Variants in ASAP1 observed in about 807,000 individuals in gnomAD.
ASAP1 encodes the protein ArfGAP with SH3 domain, ankyrin repeat and PH domain 1, also known as arf-GAP with SH3 domain, ANK repeat and PH domain-containing protein 1.
In ASAP1, 43 loss-of-function variants were observed where a neutral mutation model predicts 145.2. The observed-to-expected ratio is 0.30, with a 90% CI of 0.23 to 0.38. The LOEUF is 0.38. ASAP1 is among the 10% of genes least tolerant of loss of function. ASAP1 has a pLI of 1.00. For synonymous variants in ASAP1, 546 were observed against 515.5 expected, an observed-to-expected ratio of 1.06 and a Z score of -0.80; for missense variants, 1,018 against 1,355.3, an observed-to-expected ratio of 0.75 and a Z score of 3.91.
chr8:130,152,740 G>C lies in ASAP1; in HGVS notation c.1076C>G (p.Ala359Gly). The C allele has an allele frequency of 1.2e-6, 2 of 1,609,608 alleles. No homozygotes were observed. Among genetic ancestry groups the C allele is most frequent in the Non-Finnish European group, 1.7e-6 (2 of 1,176,708 alleles). Reference protein sequence around the residue: ...VKNGILTISHATSNRQPAKLN... With the variant: ...VKNGILTISHGTSNRQPAKLN... ...TAAATTAAGAAACATACTTACTGTG[G>C]CATGTGAGATGGTCAGAATCCCATT... is the stretch of plus-strand genomic sequence containing the variant. Residue 359 changes from alanine (A) to glycine (G), a missense_variant, in exon 13 of 30, where the codon GCC (alanine) becomes GGC (glycine). Ala to Gly is a moderately conservative substitution (Grantham distance 60, BLOSUM62 0). Coordinates refer to ENST00000518721, the MANE Select transcript of ASAP1 (RefSeq NM_018482.4).
intron 24 of ASAP1, among the ~76,000 whole-genome samples, chr8:130,109,570 G>C (rs972405061): frequency 6.6e-6 from 1 of 151,910 alleles, no homozygotes; most frequent in Non-Finnish European, 1.5e-5. Flanking sequence ...ATTTGTCATG[G>C]AGAACAAGGA....
chr8:130,097,594 T>A (rs1280298664), intron 24 of ASAP1, among the ~76,000 whole-genome samples: 1 of 152,194 alleles, frequency 6.6e-6, no homozygotes, highest in African/African-American at 2.4e-5. Flanking sequence ...ATGTCAGAAG[T>A]GTGCCCGGCA....
intron 4 of ASAP1, among the ~76,000 whole-genome samples, chr8:130,220,491 C>T (rs372945568): frequency 1.3e-5 from 2 of 152,086 alleles, no homozygotes; most frequent in African/African-American, 4.8e-5. Context: ...ATATGCCACC[C>T]CAAAACAAGC....
chr8:130,156,850 T>C lies in ASAP1; in HGVS notation c.1010+3014A>G, dbSNP rs78357121. Among the ~76,000 whole-genome samples, 6 of 152,352 alleles carry C rather than the reference T, an allele frequency of 3.9e-5. No homozygotes were observed. The East Asian group carries it at 1.2e-3, about 29-fold the overall frequency. On this transcript the variant is annotated intron_variant, in intron 12 of 29. Coordinates refer to ENST00000518721, the MANE Select transcript of ASAP1 (RefSeq NM_018482.4). Reference sequence around the variant, plus strand: ...TAATTTACTTGAACACTTTAGGGTTTGAACTATGCAACACTTAAGAAAAGA... The same window carrying C: ...TAATTTACTTGAACACTTTAGGGTTCGAACTATGCAACACTTAAGAAAAGA...
At chr8:130,395,624 A>G (rs1256826542) in intron 2 of ASAP1, among the ~76,000 whole-genome samples, 8 of 152,180 alleles carry the variant, frequency 5.3e-5, no homozygotes, top group Admixed American at 3.9e-4. Context: ...GACACTGCCA[A>G]CACGTTGATC....
chr8:130,224,889 G>A (rs540823068), intron 4 of ASAP1, among the ~76,000 whole-genome samples: 13 of 152,302 alleles, frequency 8.5e-5, no homozygotes, highest in African/African-American at 2.6e-4. Flanking sequence ...TCAAGTTTTA[G>A]TTAATATTGC....
chr8:130,315,678 A>C (rs536046371), intron 3 of ASAP1, among the ~76,000 whole-genome samples: 10 of 152,290 alleles, frequency 6.6e-5, no homozygotes, highest in African/African-American at 2.4e-4. Flanking sequence ...TCAATGACAG[A>C]TATGCCCCCT....
chr8:130,336,779 A>G (rs1170466504), intron 3 of ASAP1, among the ~76,000 whole-genome samples: 1 of 152,224 alleles, frequency 6.6e-6, no homozygotes, highest in African/African-American at 2.4e-5. Flanking sequence ...ATTGTCTCTA[A>G]AAGACGGTAA....
intron 1 of ASAP1, among the ~76,000 whole-genome samples, chr8:130,437,816 C>T (rs1021079565): frequency 6.6e-6 from 1 of 152,182 alleles, no homozygotes; most frequent in Non-Finnish European, 1.5e-5. Flanking sequence ...CTGGCTTCTG[C>T]GTAACTCCCA....
intron 3 of ASAP1, among the ~76,000 whole-genome samples, chr8:130,262,336 A>C (rs911859820): frequency 7.4e-6 from 1 of 135,828 alleles, no homozygotes; most frequent in Non-Finnish European, 1.5e-5. Flanking sequence ...TGGAGGTTGC[A>C]GTGAGCCGAG....
Position 130,375,469 on chromosome 8 carries a change from A to C in ASAP1, c.60-17326T>G. 1.3e-5 allele frequency among the ~76,000 whole-genome samples: 2 copies of C among 151,934 alleles called. 1 individual carries two copies. The highest frequency in any genetic ancestry group is 3.9e-4 in the East Asian group (2 of 5,174). ...CAGCAATTGGAGAGGCTGAGGCTGA[A>C]GGACTGCTTGAGCCCAGGAGTTCGA... On this transcript the variant is annotated intron_variant, in intron 2 of 29. Transcript: ENST00000518721.
At chr8:130,218,373 T>C (rs924069985) in intron 4 of ASAP1, among the ~76,000 whole-genome samples, 5 of 152,210 alleles carry the variant, frequency 3.3e-5, no homozygotes, top group Admixed American at 2.0e-4. Context: ...TAATCGAATA[T>C]ACATGTATGC....
At chr8:130,137,521 TATTTC>T (rs977886238) in intron 13 of ASAP1, among the ~76,000 whole-genome samples, 14 of 152,226 alleles carry the variant, frequency 9.2e-5, no homozygotes, top group African/African-American at 2.7e-4. Flanking sequence ...AGCTGAGCTA[TATTTC>T]ATTTATTCAT....
intron 9 of ASAP1, among the ~76,000 whole-genome samples, 196 bp from the exon 10 acceptor site, chr8:130,169,263 T>C (rs1813414894): frequency 6.6e-6 from 1 of 152,234 alleles, no homozygotes; most frequent in African/African-American, 2.4e-5. Context: ...TTTATAAAGA[T>C]GTACCAACAA....
At chr8:130,312,355 G>C (rs1224372160) in intron 3 of ASAP1, among the ~76,000 whole-genome samples, 2 of 151,518 alleles carry the variant, frequency 1.3e-5, no homozygotes, top group Non-Finnish European at 2.9e-5. Flanking sequence ...CCCTGGCCTT[G>C]AGCACTGATG....
At chr8:130,429,254 T>A (rs1489319510) in intron 1 of ASAP1, among the ~76,000 whole-genome samples, 1 of 152,222 alleles carries the variant, frequency 6.6e-6, no homozygotes, top group Non-Finnish European at 1.5e-5. Flanking sequence ...TGGGGGTTAG[T>A]ACTTCAAGAT....
intron 2 of ASAP1, among the ~76,000 whole-genome samples, chr8:130,363,998 C>T (rs1826833654): frequency 1.3e-5 from 2 of 152,072 alleles, no homozygotes; most frequent in Non-Finnish European, 2.9e-5. Context: ...ACATAAACTG[C>T]TTTTTTCATG....
chr8:130,276,728 A>ACTCTCTCTCTCTCTCTCTCTCTCTCT, intron 3 of ASAP1, among the ~76,000 whole-genome samples: 1 of 87,312 alleles, frequency 1.1e-5, no homozygotes, highest in South Asian at 5.9e-4. Flanking sequence ...ACACACACAC[A>ACTCTCTCTCTCTCTCTCTCTCTCTCT]CTCTCTCTCT....
intron 1 of ASAP1, among the ~76,000 whole-genome samples, chr8:130,407,856 G>A (rs959793775): frequency 1.3e-5 from 2 of 152,186 alleles, no homozygotes; most frequent in Non-Finnish European, 2.9e-5. Context: ...CTTTTATAGA[G>A]GATGTTATAA....
Sources: allele counts gnomAD v4.1 joint callset (sites outside exome capture counted in the v4.1 genomes callset), GRCh38; gene constraint gnomAD v4.1.1; transcripts MANE v1.5; gene names NCBI Gene and HGNC (gene_info 2026-07-23, HGNC 2026-07-21).